Variants in ACACB observed in about 807,000 individuals in gnomAD.
ACACB encodes the protein acetyl-CoA carboxylase beta.
ACACB carries 209 observed loss-of-function variants against 278.8 expected under a neutral mutation model. The observed-to-expected ratio is 0.75, with a 90% CI of 0.67 to 0.84. The LOEUF is 0.84. Ranked by LOEUF, ACACB falls within the 40% of genes least tolerant of loss-of-function variation. The pLI is 0.00. For missense variants in ACACB, 2,850 were observed against 3,269.0 expected (o/e 0.87, Z 3.13); for synonymous variants, 1,174 against 1,285.6 (o/e 0.91, Z 1.86).
At chr12:109,209,003 G>T (rs1288618758) in intron 20 of ACACB, among the ~76,000 whole-genome samples, 162 bp from the exon 21 acceptor site, 5 of 152,136 alleles carry the variant, frequency 3.3e-5, no homozygotes, top group Non-Finnish European at 5.9e-5. Context: ...TGGTCAGGGG[G>T]CCATTCCACT....
chr12:109,262,962 A>ATATATATATATATATAT lies in ACACB; in HGVS notation c.6787+494_6787+510dup, dbSNP rs1486792923. The ATATATATATATATATAT allele has an allele frequency of 2.5e-5, 3 of 119,084 alleles. No individual in the cohort carries two copies. The East Asian group carries it at 6.9e-4, about 28-fold the overall frequency. The allele number at this position is 119,084 out of a possible 1,614,324, so 7.4% of individuals were successfully genotyped here. A position where few individuals can be genotyped will look rare whatever the true frequency, so the allele number is the denominator to read the frequency against. Reference sequence around the variant, plus strand: ...AACCTTTTTAACATTATATATATATATATATATATATATATATATATTGCC... The same window carrying ATATATATATATATATAT: ...AACCTTTTTAACATTATATATATATATATATATATATATATATTATATATATATATATATATATTGCC... On this transcript the variant is annotated intron_variant, in intron 49 of 52. Transcript: ENST00000338432.
intron 2 of ACACB, among the ~76,000 whole-genome samples, chr12:109,162,465 GAGA>G (rs2043759188): frequency 1.3e-5 from 2 of 152,092 alleles, no homozygotes; most frequent in Admixed American, 6.6e-5. Context: ...GTACCAAAAT[GAGA>G]AGGACAGGGT....
intron 4 of ACACB, among the ~76,000 whole-genome samples, chr12:109,169,033 T>G (rs915096832): frequency 6.6e-6 from 1 of 151,080 alleles, no homozygotes; most frequent in African/African-American, 2.4e-5. Flanking sequence ...TAGTCCCAGC[T>G]CTTCAGGAGG....
At chr12:109,235,395 G>C (rs201737029) in intron 32 of ACACB, 26 bp downstream of exon 32, 1 of 1,605,062 alleles carries the variant, frequency 6.2e-7, no homozygotes, top group East Asian at 2.2e-5. Flanking sequence ...ATCTCTATGA[G>C]TCTTTCCCAT....
intron 16 of ACACB, 95 bp from the exon 17 acceptor site, chr12:109,196,913 T>C: frequency 7.3e-7 from 1 of 1,365,218 alleles, no homozygotes. Context: ...CCCTCTGTGG[T>C]GGACAACCAG....
Position 109,201,688 on chromosome 12 carries a change from C to T in ACACB, c.2900C>T (p.Ser967Phe). 6.2e-7 allele frequency: 1 copy of T among 1,613,982 alleles called. No homozygotes were observed. The highest frequency in any genetic ancestry group is 1.1e-5 in the South Asian group (1 of 91,042). Reference sequence around the variant, plus strand: ...GCCAGGCTGGAGCTCGATGACCCTTCTAAAGTCCACCCGGTATGTGGCTCC... The same window carrying T: ...GCCAGGCTGGAGCTCGATGACCCTTTTAAAGTCCACCCGGTATGTGGCTCC... ...VVARLELDDP[S>F]KVHPAEPFTG... The change falls in exon 19 of 53, where the codon TCT (serine) becomes TTT (phenylalanine). Residue 967 changes from serine to phenylalanine, a missense_variant. Physicochemically the swap from Ser to Phe is radical, Grantham distance 155. Coordinates refer to ENST00000338432, the MANE Select transcript of ACACB (RefSeq NM_001093.4).
chr12:109,222,971 G>A (rs1454983676), intron 26 of ACACB, 59 bp downstream of exon 26: 4 of 1,384,912 alleles, frequency 2.9e-6, no homozygotes, highest in Non-Finnish European at 4.0e-6. Context: ...CCAGGTGGGG[G>A]CCTCTGGGGA....
chr12:109,143,360 G>A (rs903275439), intron 2 of ACACB, among the ~76,000 whole-genome samples: 5 of 151,658 alleles, frequency 3.3e-5, no homozygotes, highest in African/African-American at 1.2e-4. Flanking sequence ...CTACTAGGGA[G>A]GCTGAGGTGG....
chr12:109,249,805 T>A (rs1426697873), intron 40 of ACACB, 179 bp from the exon 41 acceptor site: 11 of 639,978 alleles, frequency 1.7e-5, no homozygotes, highest in Non-Finnish European at 2.7e-5. Context: ...CACTTGCCCT[T>A]TTAGAAATCT....
intron 22 of ACACB, among the ~76,000 whole-genome samples, chr12:109,214,708 G>A (rs1378610382): frequency 6.6e-6 from 1 of 152,014 alleles, no homozygotes; most frequent in Non-Finnish European, 1.5e-5. Context: ...ATGCTGCCAT[G>A]AAGCGTCTAC....
At position 109,246,303 on chromosome 12, in the gene ACACB, T is replaced by C. The variant is rs764114949; in HGVS notation, c.5426T>C (p.Leu1809Pro). The C allele has an allele frequency of 6.2e-7, 1 of 1,612,406 alleles. No homozygotes were observed. The highest frequency in any genetic ancestry group is 8.5e-7 in the Non-Finnish European group (1 of 1,179,650). The part of the protein sequence containing the change: ...IGSFGPGEDL[L>P]YLRASEMARA... The stretch of plus-strand genomic sequence containing the variant: ...TCCTTTGGCCCTGGAGAGGACCTTC[T>C]GTACCTGCGGGCATCCGAGATGGCC... Residue 1809 changes from leucine to proline, a missense_variant, in exon 39 of 53, where the codon CTG becomes CCG. Coordinates refer to ENST00000338432, the MANE Select transcript of ACACB (RefSeq NM_001093.4).
chr12:109,172,407 C>G (rs762192156), intron 6 of ACACB, 51 bp downstream of exon 6: 1 of 1,550,662 alleles, frequency 6.4e-7, no homozygotes, highest in East Asian at 2.2e-5. Flanking sequence ...TGCTGGGACA[C>G]TCTGCTGGGT....
In ACACB at chr12:109,185,690, G is replaced by A. The variant is rs111403940; in HGVS notation, c.1930G>A (p.Ala644Thr). The change falls in exon 12 of 53, where the codon GCC becomes ACC. Residue 644 changes from alanine (A) to threonine (T), a missense_variant. Coordinates refer to ENST00000338432, the MANE Select transcript of ACACB (RefSeq NM_001093.4). Reference sequence around the variant, plus strand: ...TGAAACCCCCTCAAACCCTCCCCTCGCCCGAGGCCACGTCATTGCCGCCAG... The same window carrying A: ...TGAAACCCCCTCAAACCCTCCCCTCACCCGAGGCCACGTCATTGCCGCCAG... ...SFETPSNPPL[A>T]RGHVIAARIT... 127 of 1,613,102 alleles carry A rather than the reference G, an allele frequency of 7.9e-5. No individual in the cohort carries two copies. The highest frequency in any genetic ancestry group is 6.5e-4 in the Admixed American group (39 of 59,896).
intron 2 of ACACB, among the ~76,000 whole-genome samples, chr12:109,160,743 C>T (rs1386413796): frequency 6.6e-6 from 1 of 152,170 alleles, no homozygotes; most frequent in Non-Finnish European, 1.5e-5. Context: ...TTAAAATAGC[C>T]ACTTGCCTGG....
chr12:109,129,382 C>T (rs2042764157), intron 1 of ACACB, among the ~76,000 whole-genome samples: 1 of 152,204 alleles, frequency 6.6e-6, no homozygotes, highest in African/African-American at 2.4e-5. Context: ...AGCACAGTGG[C>T]TGTCATAGGC....
At chr12:109,182,632 AG>A (rs1656838173) in intron 11 of ACACB, among the ~76,000 whole-genome samples, 1 of 152,204 alleles carries the variant, frequency 6.6e-6, no homozygotes, top group African/African-American at 2.4e-5. Context: ...AGCCTCCCAA[AG>A]AGCTGGTGTT....
At chr12:109,159,767 T>G (rs2043661661) in intron 2 of ACACB, among the ~76,000 whole-genome samples, 1 of 151,908 alleles carries the variant, frequency 6.6e-6, no homozygotes, top group African/African-American at 2.4e-5. Flanking sequence ...CTCCAGGTAT[T>G]GCTCCCCGGG....
Position 109,266,377 on chromosome 12 carries a change from GC to G in ACACB, c.*17del. On this transcript the variant is annotated 3_prime_UTR_variant, in exon 53 of 53. Transcript: ENST00000338432. ...CCTCCACCTGACCGTGGCCCGCCCAGCCACTCCCGGGACCACGGCAAAAGGA... is the reference window on the plus strand; with the variant it reads ...CCTCCACCTGACCGTGGCCCGCCCAGCACTCCCGGGACCACGGCAAAAGGA... The G allele has an allele frequency of 6.3e-7, 1 of 1,593,096 alleles. No individual in the cohort carries two copies.
chr12:109,118,412 C>CTTT (rs59488592), intron 1 of ACACB, among the ~76,000 whole-genome samples: 4 of 129,384 alleles, frequency 3.1e-5, no homozygotes, highest in African/African-American at 8.6e-5. Context: ...TGACCTTGTT[C>CTTT]TTTTTTTTTT....
Sources: allele counts gnomAD v4.1 joint callset (sites outside exome capture counted in the v4.1 genomes callset), GRCh38; gene constraint gnomAD v4.1.1; transcripts MANE v1.5; gene names NCBI Gene and HGNC (gene_info 2026-07-23, HGNC 2026-07-21).